The following POLE variants were observed in gnomAD, a reference collection of about 807,000 sequenced individuals.
POLE encodes the protein DNA polymerase epsilon catalytic subunit A.
In POLE, 188 loss-of-function variants were observed where a neutral mutation model predicts 279.2. The ratio of observed to expected loss-of-function variants is 0.67; its 90% confidence interval spans 0.60 to 0.76. The LOEUF is 0.76. Ranked by LOEUF, POLE falls within the 30% of genes least tolerant of loss-of-function variation. POLE has a pLI of 0.00. For missense variants in POLE, 2,703 were observed against 3,016.7 expected, an observed-to-expected ratio of 0.90 and a Z score of 2.44; for synonymous variants, 1,214 against 1,172.5, an observed-to-expected ratio of 1.04 and a Z score of -0.72.
intron 45 of POLE, among the ~76,000 whole-genome samples, chr12:132,630,267 C>T (rs1463301566): frequency 6.6e-6 from 1 of 152,200 alleles, no homozygotes; most frequent in Non-Finnish European, 1.5e-5. Context: ...CACAAACCTT[C>T]CATTTATAAA....
intron 29 of POLE, among the ~76,000 whole-genome samples, chr12:132,652,954 CT>C (rs2042455853): frequency 1.3e-5 from 2 of 152,104 alleles, no homozygotes; most frequent in Admixed American, 1.3e-4. Context: ...TTGGCAGATT[CT>C]TTTTTATTGG....
chr12:132,677,755 C>A, intron 6 of POLE, 36 bp from the exon 7 acceptor site: 1 of 1,607,244 alleles, frequency 6.2e-7, no homozygotes, highest in Non-Finnish European at 8.5e-7. Context: ...ACTCAGCTGC[C>A]AGGGTCTGGA....
chr12:132,628,056 C>T (rs1470139019), intron 45 of POLE, among the ~76,000 whole-genome samples: 1 of 152,230 alleles, frequency 6.6e-6, no homozygotes, highest in Non-Finnish European at 1.5e-5. Flanking sequence ...CAAGAAACTA[C>T]TTTTTGGCCA....
chr12:132,632,716 C>G lies in POLE; in HGVS notation c.6084G>C (p.Arg2028Ser), dbSNP rs897232268. 2 of 1,613,708 alleles carry G rather than the reference C, an allele frequency of 1.2e-6. No individual in the cohort carries two copies. The highest frequency in any genetic ancestry group is 1.7e-6 in the Non-Finnish European group (2 of 1,179,966). ...SAPGSTPVRR[R>S]GASQLSQEAE... is the part of the protein sequence containing the mutation. ...CCTCCTGGGAGAGCTGGCTGGCCCCCCTCCTCCTCACGGGGGTGCTCCCTG... is the reference window on the plus strand; with the variant it reads ...CCTCCTGGGAGAGCTGGCTGGCCCCGCTCCTCCTCACGGGGGTGCTCCCTG... The change falls in exon 44 of 49, where the codon AGG (arginine) becomes AGC (serine). Residue 2028 changes from arginine to serine, a missense_variant. Around this residue, in one of 5 missense-constraint regions of POLE, gnomAD observed 1,551 missense variants for 1,686.1 expected, o/e 0.92. Coordinates refer to ENST00000320574, the MANE Select transcript of POLE (RefSeq NM_006231.4).
rs200322118 is a variant in POLE at position 132,675,715 on chromosome 12, T to C, written c.1106+20A>G. 1.9e-5 allele frequency: 31 copies of C among 1,607,946 alleles called. No individual in the cohort carries two copies. The highest frequency in any genetic ancestry group is 2.7e-5 in the African/African-American group (2 of 74,752). On this transcript the variant is annotated intron_variant, in intron 11 of 48. Transcript: ENST00000320574. The surrounding 1 kb of genome is among the most constrained non-coding windows in gnomAD (Gnocchi z 4.3). Reference sequence around the variant, plus strand: ...CTCTCAAATGCTGCCCAGTTACTCATAGAGAAGACACAGACTCACCAGTCA... The same window carrying C: ...CTCTCAAATGCTGCCCAGTTACTCACAGAGAAGACACAGACTCACCAGTCA...
chr12:132,626,364 C>T (rs1448759549), intron 45 of POLE, 47 bp from the exon 46 acceptor site: 1 of 1,579,390 alleles, frequency 6.3e-7, no homozygotes, highest in Non-Finnish European at 8.7e-7. Context: ...CGGGGCCTCC[C>T]TGCTGCTCTG....
rs1555225670 is a variant in POLE, at chr12:132,659,395, G to A, written c.3175C>T (p.Arg1059Cys). Residue 1059 changes from arginine (R) to cysteine (C), a missense_variant, in exon 26 of 49, where the codon CGC becomes TGC. This residue lies in a region of POLE where 1,551 missense variants were observed against 1,686.1 expected (regional missense o/e 0.92). Coordinates refer to ENST00000320574, the MANE Select transcript of POLE (RefSeq NM_006231.4). ...QKSTSISTAK[R>C]LAEFLGDQMV... ...TGGTCTCCCAGGAACTCGGCCAGGC[G>A]CTTTGCTGTGCTGATGGACGTAGAC... The A allele has an allele frequency of 1.9e-6, 3 of 1,614,168 alleles. No individual in the cohort carries two copies. The highest frequency in any genetic ancestry group is 1.1e-5 in the South Asian group (1 of 91,090).
Position 132,643,280 on chromosome 12 carries a change from G to A in POLE, c.4495C>T (p.Leu1499Phe), listed in dbSNP as rs1555222907. 6.2e-7 allele frequency: 1 copy of A among 1,613,976 alleles called. No individual in the cohort carries two copies. The highest frequency in any genetic ancestry group is 1.3e-5 in the African/African-American group (1 of 75,074). ...LYHHAQAHKA[L>F]FGIFIPSQRR... ...TGTGAGGGGATGAAGATCCCGAAGA[G>A]CGCTTTGTGGGCCTGTGCGTGGTGG... The change falls in exon 35 of 49, where the codon CTC becomes TTC. Residue 1499 changes from leucine (L) to phenylalanine (F), a missense_variant. Physicochemically the swap from Leu to Phe is conservative, Grantham distance 22. Around this residue, in one of 5 missense-constraint regions of POLE, gnomAD observed 1,551 missense variants for 1,686.1 expected, o/e 0.92. Coordinates refer to ENST00000320574, the MANE Select transcript of POLE (RefSeq NM_006231.4).
intron 10 of POLE, 51 bp downstream of exon 10, chr12:132,676,043 T>A (rs749362183): frequency 3.3e-6 from 4 of 1,215,962 alleles, no homozygotes; most frequent in Non-Finnish European, 1.2e-6. Context: ...AAGATCCACA[T>A]GTCCGTTCTT....
intron 45 of POLE, among the ~76,000 whole-genome samples, chr12:132,628,908 A>G (rs962775013): frequency 6.6e-6 from 1 of 152,178 alleles, no homozygotes; most frequent in Non-Finnish European, 1.5e-5. Flanking sequence ...GTTAATGTTG[A>G]TATTTTGACC....
At chr12:132,674,862 T>TCCTTCCCTTCCCTC (rs1565974443) in intron 12 of POLE, among the ~76,000 whole-genome samples, 1 of 137,408 alleles carries the variant, frequency 7.3e-6, no homozygotes, top group African/African-American at 2.8e-5. Flanking sequence ...TCCCTTCCCT[T>TCCTTCCCTTCCCTC]CCTTCCCTTC....
intron 1 of POLE, among the ~76,000 whole-genome samples, chr12:132,686,743 T>G (rs541812168): frequency 6.6e-6 from 1 of 151,682 alleles, no homozygotes; most frequent in South Asian, 2.1e-4. Context: ...CCCAAAAAAA[T>G]AAAACAGAGG....
chr12:132,625,120 C>T (rs2041806276), intron 47 of POLE, 126 bp from the exon 48 acceptor site: 2 of 730,508 alleles, frequency 2.7e-6, no homozygotes, highest in African/African-American at 3.4e-5. Flanking sequence ...CTGCTGTGTG[C>T]AGCCAGCCCT....
intron 29 of POLE, among the ~76,000 whole-genome samples, chr12:132,652,403 C>A (rs2042443796): frequency 6.6e-6 from 1 of 150,690 alleles, no homozygotes; most frequent in African/African-American, 2.4e-5. Flanking sequence ...CTCACCGCAG[C>A]CTCAACCTCC....
chr12:132,680,274 AGAAAAGT>A (rs1361542157), intron 3 of POLE, 52 bp from the exon 4 acceptor site: 1 of 1,538,554 alleles, frequency 6.5e-7, no homozygotes, highest in East Asian at 2.2e-5. Context: ...AGAAAGCGAG[AGAAAAGT>A]GAAAACACAT....
At chr12:132,625,354 C>T (rs569151136) in intron 47 of POLE, 14 of 731,092 alleles carry the variant, frequency 1.9e-5, no homozygotes, top group African/African-American at 3.4e-5. Flanking sequence ...TTCCTGTGGC[C>T]GAGCTGTGCA....
intron 45 of POLE, among the ~76,000 whole-genome samples, chr12:132,632,004 G>A (rs915721326): frequency 1.3e-5 from 2 of 152,194 alleles, no homozygotes; most frequent in African/African-American, 4.8e-5. Context: ...TGCCGCAACT[G>A]TGGCTGCATG....
chr12:132,685,272 T>G (rs2043234753), intron 1 of POLE, among the ~76,000 whole-genome samples: 1 of 150,664 alleles, frequency 6.6e-6, no homozygotes. Context: ...CACAGAGAGC[T>G]ACCATTGACT....
At chr12:132,662,265 AG>A (rs1335802100) in intron 23 of POLE, among the ~76,000 whole-genome samples, 2 of 152,264 alleles carry the variant, frequency 1.3e-5, no homozygotes, top group East Asian at 3.8e-4. Flanking sequence ...CTGACTGGAC[AG>A]GGTAAGGCTG....
Sources: gnomAD v4.1 joint callset for allele counts (sites outside exome capture counted in the v4.1 genomes callset) on GRCh38, gnomAD v4.1.1 for gene constraint, gnomAD v4.1.1 regional missense constraint, Gnocchi (gnomAD v3.1) non-coding constraint, MANE v1.5 for transcripts, NCBI Gene and HGNC (gene_info 2026-07-23, HGNC 2026-07-21) for gene names.